STXBP5: variants seen among roughly 807,000 people sequenced by gnomAD.
STXBP5 encodes syntaxin binding protein 5.
A neutral mutation model predicts 152.4 loss-of-function variants in STXBP5; 50 were observed. That is an observed-to-expected ratio of 0.33 (90% CI 0.26 to 0.42). The LOEUF (loss-of-function observed/expected upper bound fraction) is 0.42, where lower values mean the gene tolerates loss of function less well. Among genes scored for constraint, STXBP5 ranks in the 10% least tolerant of loss-of-function variants. STXBP5 has a pLI of 1.00. For synonymous variants in STXBP5, 492 were observed against 494.7 expected, an observed-to-expected ratio of 0.99 and a Z score of 0.07; for missense variants, 1,167 against 1,388.6, an observed-to-expected ratio of 0.84 and a Z score of 2.54.
chr6:147,207,327 T>C (rs1776618008), intron 2 of STXBP5, among the ~76,000 whole-genome samples: 1 of 152,218 alleles, frequency 6.6e-6, no homozygotes. Context: ...TATTGAACTG[T>C]GTTACTAAGT....
Position 147,363,628 on chromosome 6 carries a change from C to G in STXBP5, c.2839C>G (p.Arg947Gly). The change falls in exon 24 of 28, where the codon CGT becomes GGT. Residue 947 changes from arginine to glycine, a missense_variant. Arg to Gly is a moderately radical substitution (Grantham distance 125). Coordinates refer to ENST00000321680, the MANE Select transcript of STXBP5 (RefSeq NM_001127715.4). ...TATTACAGAGACCTCGTTTGTGCTTCGTGGAGATATTGTAGCATTGAGTAA... is the reference window on the plus strand; with the variant it reads ...TATTACAGAGACCTCGTTTGTGCTTGGTGGAGATATTGTAGCATTGAGTAA... ...QNITETSFVL[R>G]GDIVALSNSI... is the part of the protein sequence containing the mutation. The G allele has an allele frequency of 6.2e-7, 1 of 1,614,104 alleles. No homozygotes were observed.
chr6:147,349,020 G>T (rs1180264608), intron 21 of STXBP5, among the ~76,000 whole-genome samples: 1 of 151,858 alleles, frequency 6.6e-6, no homozygotes, highest in African/African-American at 2.4e-5. Flanking sequence ...GTCCAAATTT[G>T]CTATGAAAAC....
At chr6:147,287,451 C>T (rs1256148808) in intron 8 of STXBP5, among the ~76,000 whole-genome samples, 1 of 152,004 alleles carries the variant, frequency 6.6e-6, no homozygotes, top group Non-Finnish European at 1.5e-5. Context: ...ATCCGCCCGC[C>T]TCGGCCTCCC....
At chr6:147,313,184 T>A (rs1375855496) in intron 11 of STXBP5, among the ~76,000 whole-genome samples, 2 of 152,226 alleles carry the variant, frequency 1.3e-5, no homozygotes, top group South Asian at 2.1e-4. Context: ...AGTAGTAGAC[T>A]GATCTAATTT....
rs1326459285 is a variant in STXBP5 at position 147,243,966 on chromosome 6, A to G, written c.431+4696A>G. Reference sequence around the variant, plus strand: ...CTGTTTAAGATAGATCAATTAATCTATTTGTCTGTTATTTTTCTAATACAA... The same window carrying G: ...CTGTTTAAGATAGATCAATTAATCTGTTTGTCTGTTATTTTTCTAATACAA... On this transcript the variant is annotated intron_variant, in intron 4 of 27. Coordinates refer to ENST00000321680, the MANE Select transcript of STXBP5 (RefSeq NM_001127715.4). 3.9e-5 allele frequency among the ~76,000 whole-genome samples: 6 copies of G among 151,976 alleles called. No homozygotes were observed. In the East Asian group the frequency reaches 1.2e-3, roughly 29 times the overall value.
chr6:147,291,109 A>T lies in STXBP5; in HGVS notation c.854A>T (p.Asp285Val). 3 of 1,609,268 alleles carry T rather than the reference A, an allele frequency of 1.9e-6. No homozygotes were observed. Among genetic ancestry groups the T allele is most frequent in the African/African-American group, 1.3e-5 (1 of 74,940 alleles). The change falls in exon 9 of 28, where the codon GAT becomes GTT. Residue 285 changes from aspartate (D) to valine (V), a missense_variant. Coordinates refer to ENST00000321680, the MANE Select transcript of STXBP5 (RefSeq NM_001127715.4). ...TATATTTTAGGAAAACAGTTAAAGG[A>T]TGGGAAGAAGCCAGAACCATGCAAA... is the stretch of plus-strand genomic sequence containing the variant. ...TITPHGKQLKDGKKPEPCKPI... is the reference protein window; with the variant it reads ...TITPHGKQLKVGKKPEPCKPI...
intron 4 of STXBP5, among the ~76,000 whole-genome samples, chr6:147,258,965 G>T (rs1779514814): frequency 6.6e-6 from 1 of 152,054 alleles, no homozygotes; most frequent in Non-Finnish European, 1.5e-5. Context: ...CAATTTGCCA[G>T]TTAAGAAATT....
At chr6:147,259,314 G>T (rs1436069832) in intron 4 of STXBP5, among the ~76,000 whole-genome samples, 2 of 152,084 alleles carry the variant, frequency 1.3e-5, no homozygotes, top group Non-Finnish European at 2.9e-5. Flanking sequence ...AAAATCTTAG[G>T]ATGATAGCTA....
intron 19 of STXBP5, among the ~76,000 whole-genome samples, chr6:147,338,976 A>G (rs920484559): frequency 6.6e-6 from 1 of 151,918 alleles, no homozygotes; most frequent in African/African-American, 2.4e-5. Context: ...AGGGTCTACC[A>G]TGAAAGATAT....
At chr6:147,284,313 C>G (rs1400718676) in intron 8 of STXBP5, among the ~76,000 whole-genome samples, 1 of 152,094 alleles carries the variant, frequency 6.6e-6, no homozygotes, top group African/African-American at 2.4e-5. Context: ...TCCTAACTGG[C>G]AAAATTAAAA....
At chr6:147,342,788 A>G (rs1337693139) in intron 21 of STXBP5, among the ~76,000 whole-genome samples, 1 of 152,098 alleles carries the variant, frequency 6.6e-6, no homozygotes, top group Non-Finnish European at 1.5e-5. Flanking sequence ...TATGAATCAA[A>G]TTTTTCATGA....
chr6:147,378,699 C>A (rs1028368097), intron 26 of STXBP5, among the ~76,000 whole-genome samples: 5 of 151,954 alleles, frequency 3.3e-5, no homozygotes, highest in Admixed American at 3.3e-4. Flanking sequence ...CCAAAAGAAT[C>A]TATAGCTAAA....
chr6:147,225,794 A>C (rs1266172381), intron 2 of STXBP5, among the ~76,000 whole-genome samples: 1 of 152,170 alleles, frequency 6.6e-6, no homozygotes. Context: ...CCACAGGGAA[A>C]AATAAGCAAT....
In STXBP5 at chr6:147,280,894, G is replaced by A. The variant is rs1235924416; in HGVS notation, c.838+2690G>A. Among the ~76,000 whole-genome samples the A allele has an allele frequency of 7.2e-5, 11 of 152,154 alleles. 1 individual carries two copies. The East Asian group carries it at 1.9e-3, about 27-fold the overall frequency. ...TAAAAATTAGGATGGTATTTGTGTAGTGTTAGCAGTCTAATAGTAGATGGC... is the reference window on the plus strand; with the variant it reads ...TAAAAATTAGGATGGTATTTGTGTAATGTTAGCAGTCTAATAGTAGATGGC... On this transcript the variant is annotated intron_variant, in intron 8 of 27. Transcript: ENST00000321680.
At chr6:147,264,080 A>G (rs973110825) in intron 6 of STXBP5, among the ~76,000 whole-genome samples, 16 of 151,076 alleles carry the variant, frequency 1.1e-4, no homozygotes, top group African/African-American at 3.6e-4. Context: ...AATAAGTTAT[A>G]TATATATATA....
intron 9 of STXBP5, among the ~76,000 whole-genome samples, chr6:147,301,059 A>C (rs550090575): frequency 1.6e-4 from 25 of 152,130 alleles, no homozygotes; most frequent in Non-Finnish European, 3.7e-4. Context: ...AATGTTCGAC[A>C]TCACTAATCA....
At position 147,358,597 on chromosome 6, in the gene STXBP5, C is replaced by T. The variant is rs114668221; in HGVS notation, c.2306-487C>T. Among the ~76,000 whole-genome samples, 1,265 of 152,210 alleles carry T rather than the reference C, an allele frequency of 8.3e-3. 21 individuals carry two copies. The highest frequency in any genetic ancestry group is 0.029 in the African/African-American group (1,215 of 41,536). On this transcript the variant is annotated intron_variant, in intron 22 of 27. Coordinates refer to ENST00000321680, the MANE Select transcript of STXBP5 (RefSeq NM_001127715.4). ...TCCTCTGCATATAATTTTTGATCTC[C>T]AAAAACTTAACTTCTAAAAGCCTAC...
At chr6:147,289,869 C>T (rs1250211640) in intron 8 of STXBP5, among the ~76,000 whole-genome samples, 1 of 152,050 alleles carries the variant, frequency 6.6e-6, no homozygotes, top group Non-Finnish European at 1.5e-5. Flanking sequence ...ATGTTTGTCA[C>T]CAGGGATACC....
In STXBP5 at chr6:147,325,098, AC is replaced by A; in HGVS notation, c.1928+15del. The A allele has an allele frequency of 1.3e-6, 2 of 1,486,518 alleles. No individual in the cohort carries two copies. Among genetic ancestry groups the A allele is most frequent in the South Asian group, 2.8e-5 (2 of 71,490 alleles). The allele number at this position is 1,486,518 out of a possible 1,614,324, so 92.1% of individuals were successfully genotyped here. A position where few individuals can be genotyped will look rare whatever the true frequency, so the allele number is the denominator to read the frequency against. On this transcript the variant is annotated intron_variant, in intron 17 of 27. Coordinates refer to ENST00000321680, the MANE Select transcript of STXBP5 (RefSeq NM_001127715.4). ...TTCCTATGGACTGTAAGTATAAGTT[AC>A]GTTTTTTTCTAAGTCTCTTCATAGT...
Sources: gnomAD v4.1 joint callset for allele counts (sites outside exome capture counted in the v4.1 genomes callset) on GRCh38, gnomAD v4.1.1 for gene constraint, MANE v1.5 for transcripts, NCBI Gene and HGNC (gene_info 2026-07-23, HGNC 2026-07-21) for gene names.